LUC7L2: variants seen among roughly 807,000 people sequenced by gnomAD.
LUC7L2 encodes the protein LUC7 like 2, pre-mRNA splicing factor.
In LUC7L2, 25 loss-of-function variants were observed where a neutral mutation model predicts 52.8. The observed-to-expected ratio is 0.47, with a 90% CI of 0.34 to 0.66. The LOEUF is 0.66. LUC7L2 is among the 30% of genes least tolerant of loss of function. LUC7L2 has a pLI of 0.01. For synonymous variants in LUC7L2, 144 were observed against 160.9 expected (o/e 0.89, Z 0.80); for missense variants, 328 against 497.8 (o/e 0.66, Z 3.25).
intron 2 of LUC7L2, among the ~76,000 whole-genome samples, chr7:139,386,599 G>A (rs1297099717): frequency 7.6e-5 from 9 of 117,680 alleles, no homozygotes; most frequent in Non-Finnish European, 1.4e-4. Context: ...TAGTAGAGAC[G>A]GGGTTACCGT....
intron 2 of LUC7L2, among the ~76,000 whole-genome samples, chr7:139,377,999 G>A (rs542789917): frequency 9.3e-5 from 14 of 150,982 alleles, no homozygotes; most frequent in Non-Finnish European, 1.9e-4. Context: ...TGTATTTTTT[G>A]TAGAGACTAG....
chr7:139,361,771 TGA>T (rs5887927), intron 1 of LUC7L2, among the ~76,000 whole-genome samples: 58,517 of 152,070 alleles, frequency 0.38, 15,743 homozygotes, highest in African/African-American at 0.77. Flanking sequence ...TTTTCCAACA[TGA>T]GAGAGGGTAT....
At chr7:139,386,864 A>T (rs1794224809) in intron 2 of LUC7L2, among the ~76,000 whole-genome samples, 3 of 151,032 alleles carry the variant, frequency 2.0e-5, no homozygotes. Flanking sequence ...TTTGAGACAG[A>T]GTTTTGCTCT....
At chr7:139,350,278 C>T (rs868778609) in intron 1 of LUC7L2, among the ~76,000 whole-genome samples, 44 of 152,098 alleles carry the variant, frequency 2.9e-4, no homozygotes, top group African/African-American at 1.0e-3. Flanking sequence ...CCCGCCACCA[C>T]GCCCGGCTAA....
intron 1 of LUC7L2, among the ~76,000 whole-genome samples, chr7:139,348,163 TTATAA>T (rs2131151666): frequency 6.6e-6 from 1 of 151,036 alleles, no homozygotes; most frequent in African/African-American, 2.4e-5. Flanking sequence ...AATATGTACA[TTATAA>T]TATACAATAT....
chr7:139,365,551 C>T (rs1800113567), intron 1 of LUC7L2, among the ~76,000 whole-genome samples: 1 of 151,992 alleles, frequency 6.6e-6, no homozygotes, highest in African/African-American at 2.4e-5. Context: ...ACAGGTGGTT[C>T]ATACAAAGCA....
At chr7:139,347,563 G>T (rs1029214863) in intron 1 of LUC7L2, among the ~76,000 whole-genome samples, 7 of 151,360 alleles carry the variant, frequency 4.6e-5, no homozygotes, top group African/African-American at 1.7e-4. Flanking sequence ...CTCCAGCCTG[G>T]GCAACAAGAG....
At chr7:139,404,324 C>G (rs1795031847) in intron 4 of LUC7L2, among the ~76,000 whole-genome samples, 1 of 152,060 alleles carries the variant, frequency 6.6e-6, no homozygotes, top group Non-Finnish European at 1.5e-5. Context: ...AGCCTGGCCA[C>G]CATGGTGAAA....
intron 1 of LUC7L2, among the ~76,000 whole-genome samples, chr7:139,354,324 G>A (rs1022782833): frequency 6.6e-6 from 1 of 152,134 alleles, no homozygotes; most frequent in Non-Finnish European, 1.5e-5. Context: ...GACAAGTAGC[G>A]TAGCACACAA....
chr7:139,407,651 C>T (rs1795182289), intron 6 of LUC7L2, among the ~76,000 whole-genome samples: 1 of 151,720 alleles, frequency 6.6e-6, no homozygotes, highest in Admixed American at 6.6e-5. Context: ...TTGTTCTTTT[C>T]AATAAGGTCA....
At chr7:139,377,740 G>T (rs1030897219) in intron 2 of LUC7L2, among the ~76,000 whole-genome samples, 11 of 151,768 alleles carry the variant, frequency 7.2e-5, no homozygotes, top group African/African-American at 2.4e-4. Flanking sequence ...TGTCGGTCAG[G>T]CTGGTCTTGA....
intron 1 of LUC7L2, among the ~76,000 whole-genome samples, chr7:139,351,519 T>C (rs1799457764): frequency 6.6e-6 from 1 of 152,230 alleles, no homozygotes; most frequent in East Asian, 1.9e-4. Context: ...TACCTCCAAT[T>C]ATGCTCTCTT....
intron 1 of LUC7L2, chr7:139,363,275 G>T: frequency 1.0e-6 from 1 of 979,758 alleles, no homozygotes; most frequent in Non-Finnish European, 1.2e-6. Context: ...TTGAAACATT[G>T]GTCACACTAT....
chr7:139,414,603 A>G (rs1795506105), intron 8 of LUC7L2, among the ~76,000 whole-genome samples: 2 of 152,144 alleles, frequency 1.3e-5, no homozygotes, highest in Non-Finnish European at 2.9e-5. Context: ...TTGAATGATA[A>G]AGTACCTGGT....
intron 1 of LUC7L2, among the ~76,000 whole-genome samples, chr7:139,340,776 T>G (rs1798903089): frequency 1.3e-5 from 2 of 151,800 alleles, no homozygotes; most frequent in Non-Finnish European, 2.9e-5. Context: ...TGGGGTGGCC[T>G]GTGACTTTTG....
Position 139,398,677 on chromosome 7 carries a change from G to T in LUC7L2, c.235G>T (p.Asp79Tyr). 5 of 1,611,456 alleles carry T rather than the reference G, an allele frequency of 3.1e-6. No individual in the cohort carries two copies. The highest frequency in any genetic ancestry group is 3.4e-6 in the Non-Finnish European group (4 of 1,179,128). Residue 79 changes from aspartate (D) to tyrosine (Y), a missense_variant, in exon 3 of 10, where the codon GAT becomes TAT. Around this residue, in one of 2 missense-constraint regions of LUC7L2, gnomAD observed 133 missense variants for 274.4 expected, o/e 0.48. Coordinates refer to ENST00000354926, the MANE Select transcript of LUC7L2 (RefSeq NM_016019.5). ...ADYEIASKEQ[D>Y]FFFELDAMDH... is the part of the protein sequence containing the mutation. ...TTATGAAATTGCATCCAAAGAACAA[G>T]ATTTTTTCTTTGAACTTGATGTATG...
chr7:139,406,453 G>C (rs570682635), intron 5 of LUC7L2, among the ~76,000 whole-genome samples: 139 of 151,320 alleles, frequency 9.2e-4, no homozygotes, highest in Non-Finnish European at 1.6e-3. Context: ...CCTGGGTTCA[G>C]GCGATTCTCT....
At chr7:139,407,000 GGTTTTTTTTTTT>G (rs1023872276) in intron 5 of LUC7L2, among the ~76,000 whole-genome samples, 162 bp from the exon 6 acceptor site, 23 of 111,626 alleles carry the variant, frequency 2.1e-4, no homozygotes, top group African/African-American at 8.3e-4. Context: ...ATGCTTTTGT[GGTTTTTTTTTTT>G]TTTTTTTTTT....
chr7:139,407,919 A>ACACAGTTTTTACTCTT (rs1795193266), intron 6 of LUC7L2, among the ~76,000 whole-genome samples: 1 of 152,206 alleles, frequency 6.6e-6, no homozygotes, highest in South Asian at 2.1e-4. Flanking sequence ...GAGGGGATAA[A>ACACAGTTTTTACTCTT]CACAAAAAAG....
Sources: allele counts gnomAD v4.1 joint callset (sites outside exome capture counted in the v4.1 genomes callset), GRCh38; gene constraint gnomAD v4.1.1; regional missense constraint gnomAD v4.1.1; transcripts MANE v1.5; gene names NCBI Gene and HGNC (gene_info 2026-07-23, HGNC 2026-07-21).